PSMD13: variants seen among roughly 807,000 people sequenced by gnomAD.
PSMD13 encodes proteasome 26S subunit, non-ATPase 13.
Under a neutral mutation model 57.4 loss-of-function variants are expected in PSMD13, and 8 were observed. The ratio of observed to expected loss-of-function variants is 0.14; its 90% CI spans 0.08 to 0.25. PSMD13 has a LOEUF of 0.25. Ranked by LOEUF, PSMD13 falls within the 10% of genes least tolerant of loss-of-function variation. PSMD13 has a pLI of 1.00. For synonymous variants in PSMD13, 193 were observed against 168.2 expected (o/e 1.15, Z -1.14); for missense variants, 400 against 461.5 (o/e 0.87, Z 1.22).
chr11:249,488 A>C (rs1346526072), intron 9 of PSMD13, among the ~76,000 whole-genome samples: 1 of 151,122 alleles, frequency 6.6e-6, no homozygotes, highest in Non-Finnish European at 1.5e-5. Flanking sequence ...GGGAGAGAGC[A>C]TGGGATGAAG....
At position 252,352 on chromosome 11, in the gene PSMD13, G is replaced by A. The variant is rs12573931; in HGVS notation, c.1036-153G>A. The A allele has an allele frequency of 1.1e-4, 72 of 681,060 alleles. No homozygotes were observed. In the East Asian group the frequency reaches 1.6e-3, roughly 15 times the overall value. 42.2% of individuals were successfully genotyped at this position (681,060 alleles called of 1,614,324 possible). A position where few individuals can be genotyped will look rare whatever the true frequency, so the allele number is the denominator to read the frequency against. On this transcript the variant is annotated intron_variant, in intron 12 of 12. Coordinates refer to ENST00000532097, the MANE Select transcript of PSMD13 (RefSeq NM_002817.4). This position sits in a 1 kb window ranked among gnomAD's most constrained non-coding sequence, Gnocchi z 4.1. The stretch of plus-strand genomic sequence containing the variant: ...GAAAAGAATTAACCCGGCAAGTCCC[G>A]TCCCACTCCCCCAGCTCAGAGGTCC...
intron 9 of PSMD13, among the ~76,000 whole-genome samples, chr11:249,474 G>T (rs911409011): frequency 6.6e-6 from 1 of 151,910 alleles, no homozygotes; most frequent in Non-Finnish European, 1.5e-5. Context: ...TAACATGAGT[G>T]GGTGGGAGAG....
Position 252,084 on chromosome 11 carries a change from T to C in PSMD13, c.1035+148T>C. On this transcript the variant is annotated intron_variant, in intron 12 of 12. Coordinates refer to ENST00000532097, the MANE Select transcript of PSMD13 (RefSeq NM_002817.4). The surrounding 1 kb of genome is among the most constrained non-coding windows in gnomAD (Gnocchi z 4.1). Reference sequence around the variant, plus strand: ...AGAAGGAAATACTGCTGTTGGGTTTTTCTAAGAGCCTAATTTAATGCAAGC... The same window carrying C: ...AGAAGGAAATACTGCTGTTGGGTTTCTCTAAGAGCCTAATTTAATGCAAGC... The C allele has an allele frequency of 1.4e-6, 1 of 736,470 alleles. No individual in the cohort carries two copies. The highest frequency in any genetic ancestry group is 2.3e-6 in the Non-Finnish European group (1 of 436,352). 45.6% of individuals were successfully genotyped at this position (736,470 alleles called of 1,614,324 possible).
At position 252,787 on chromosome 11, in the gene PSMD13, C is replaced by T. The variant is rs1439949292; in HGVS notation, c.*187C>T. Reference sequence around the variant, plus strand: ...TGGGAGCCAGGCCACAGGGAGGAGGCTTCTTTGTGGGTCTCTCCTGCAGAG... The same window carrying T: ...TGGGAGCCAGGCCACAGGGAGGAGGTTTCTTTGTGGGTCTCTCCTGCAGAG... On this transcript the variant is annotated 3_prime_UTR_variant, in exon 13 of 13. Transcript: ENST00000532097. This position sits in a 1 kb window ranked among gnomAD's most constrained non-coding sequence, Gnocchi z 4.1. The T allele has an allele frequency of 3.5e-6, 2 of 574,144 alleles. No homozygotes were observed. Among genetic ancestry groups the T allele is most frequent in the Admixed American group, 6.1e-5 (2 of 32,968 alleles). The allele number at this position is 574,144 out of a possible 1,614,324, so 35.6% of individuals were successfully genotyped here. A position where few individuals can be genotyped will look rare whatever the true frequency, so the allele number is the denominator to read the frequency against.
intron 1 of PSMD13, among the ~76,000 whole-genome samples, chr11:238,224 T>C (rs184525802): frequency 2.0e-3 from 300 of 152,332 alleles, no homozygotes; most frequent in African/African-American, 6.9e-3. Flanking sequence ...TTCCCTGAGA[T>C]ACTCAGCTAA....
In PSMD13 at chr11:251,973, T is replaced by C; in HGVS notation, c.1035+37T>C. 1.9e-6 allele frequency: 3 copies of C among 1,569,794 alleles called. No individual in the cohort carries two copies. Among genetic ancestry groups the C allele is most frequent in the Non-Finnish European group, 2.6e-6 (3 of 1,142,334 alleles). Reference sequence around the variant, plus strand: ...GAAACCCATTATTCACCTCTGTGGATTTTGAGGGGTTGTGTCTATACCGTC... The same window carrying C: ...GAAACCCATTATTCACCTCTGTGGACTTTGAGGGGTTGTGTCTATACCGTC... On this transcript the variant is annotated intron_variant, in intron 12 of 12. Coordinates refer to ENST00000532097, the MANE Select transcript of PSMD13 (RefSeq NM_002817.4). This position sits in a 1 kb window ranked among gnomAD's most constrained non-coding sequence, Gnocchi z 4.6.
rs775854001 is a variant in PSMD13, at chr11:244,195, C to A, written c.244C>A (p.His82Asn). 6.2e-7 allele frequency: 1 copy of A among 1,611,156 alleles called. No homozygotes were observed. The highest frequency in any genetic ancestry group is 8.5e-7 in the Non-Finnish European group (1 of 1,177,962). The change falls in exon 4 of 13, where the codon CAT (histidine) becomes AAT (asparagine). Residue 82 changes from histidine (H) to asparagine (N), a missense_variant. By Grantham distance (68) the His-to-Asn change is moderately conservative. Transcript: ENST00000532097. ...NPLSLVEIIL[H>N]VVRQMTDPNV... ...TTTGTCCCTCGTGGAAATCATTCTT[C>A]ATGTAGTTAGACAGATGACTGGTAA...
At chr11:237,439 A>G (rs1028718622) in intron 1 of PSMD13, among the ~76,000 whole-genome samples, 4 of 152,172 alleles carry the variant, frequency 2.6e-5, no homozygotes, top group Non-Finnish European at 5.9e-5. Context: ...CTGAACTCCT[A>G]CCTCGGGTCT....
intron 2 of PSMD13, among the ~76,000 whole-genome samples, 185 bp from the exon 3 acceptor site, chr11:243,856 A>T (rs1157411033): frequency 6.6e-6 from 1 of 152,266 alleles, no homozygotes; most frequent in Non-Finnish European, 1.5e-5. Flanking sequence ...AATGTAAGTA[A>T]GCCCTGATAT....
intron 9 of PSMD13, among the ~76,000 whole-genome samples, chr11:250,311 G>T (rs1291390674): frequency 1.3e-5 from 2 of 152,320 alleles, no homozygotes; most frequent in Non-Finnish European, 2.9e-5. Flanking sequence ...TCAGGACAAT[G>T]ATATTTTTCA....
In PSMD13 at chr11:245,705, T is replaced by TGTGTGTTC. The variant is rs1564822123; in HGVS notation, c.396+951_396+952insCGTGTGTT. 1.4e-3 allele frequency among the ~76,000 whole-genome samples: 54 copies of TGTGTGTTC among 39,314 alleles called. 2 individuals carry two copies. The highest frequency in any genetic ancestry group is 0.013 in the South Asian group (15 of 1,116). 25.8% of individuals were successfully genotyped at this position (39,314 alleles called of 152,430 possible). A position where few individuals can be genotyped will look rare whatever the true frequency, so the allele number is the denominator to read the frequency against. On this transcript the variant is annotated intron_variant, in intron 6 of 12. Coordinates refer to ENST00000532097, the MANE Select transcript of PSMD13 (RefSeq NM_002817.4). ...GTTTGCATGTGTGTTCGTGTGTTTGTGTGTGTTTGTGTGTGTGTGTTTGTG... is the reference window on the plus strand; with the variant it reads ...GTTTGCATGTGTGTTCGTGTGTTTGTGTGTGTTCGTGTGTTTGTGTGTGTGTGTTTGTG...
chr11:240,150 C>G (rs1383010054), intron 2 of PSMD13, among the ~76,000 whole-genome samples: 3 of 106,452 alleles, frequency 2.8e-5, no homozygotes, highest in South Asian at 3.4e-4. Context: ...GCTCTTGTTG[C>G]CCGGGCTGGA....
In PSMD13 at chr11:252,377, C is replaced by T. The variant is rs1859781459; in HGVS notation, c.1036-128C>T. On this transcript the variant is annotated intron_variant, in intron 12 of 12. Transcript: ENST00000532097. This position sits in a 1 kb window ranked among gnomAD's most constrained non-coding sequence, Gnocchi z 4.1. ...GTCCCACTCCCCCAGCTCAGAGGTCCTTTTTACTAGAGCTGCCCTAGAGAG... is the reference window on the plus strand; with the variant it reads ...GTCCCACTCCCCCAGCTCAGAGGTCTTTTTTACTAGAGCTGCCCTAGAGAG... 1.2e-6 allele frequency: 1 copy of T among 831,624 alleles called. No homozygotes were observed. The highest frequency in any genetic ancestry group is 2.0e-6 in the Non-Finnish European group (1 of 501,526). The allele number at this position is 831,624 out of a possible 1,614,324, so 51.5% of individuals were successfully genotyped here.
rs1238277500 is a variant in PSMD13, at chr11:252,476, C to T, written c.1036-29C>T. ...GGCCTGTGTCTCCTGCGTGTCTTAA[C>T]GTCCCTTGTGTCCGGATTTCCATTT... On this transcript the variant is annotated intron_variant, in intron 12 of 12. Coordinates refer to ENST00000532097, the MANE Select transcript of PSMD13 (RefSeq NM_002817.4). This position sits in a 1 kb window ranked among gnomAD's most constrained non-coding sequence, Gnocchi z 4.1. 4 of 1,608,626 alleles carry T rather than the reference C, an allele frequency of 2.5e-6. No homozygotes were observed. The highest frequency in any genetic ancestry group is 1.1e-5 in the South Asian group (1 of 90,956).
In PSMD13 at chr11:248,825, C is replaced by T. The variant is rs767882254; in HGVS notation, c.618C>T (p.Leu206=). 1.9e-6 allele frequency: 3 copies of T among 1,614,110 alleles called. No homozygotes were observed. Among genetic ancestry groups the T allele is most frequent in the Non-Finnish European group, 2.5e-6 (3 of 1,180,026 alleles). The part of the protein sequence containing the change: ...RAFTLGLAGL[L]GEGVFNFGEL... ...TCACGCTGGGGCTAGCAGGACTTCT[C>T]GGCGAGGGAGTTTTTAACTTTGGAG... Residue 206 remains leucine (L), a synonymous_variant, in exon 8 of 13, where the codon CTC becomes CTT. Coordinates refer to ENST00000532097, the MANE Select transcript of PSMD13 (RefSeq NM_002817.4).
intron 9 of PSMD13, among the ~76,000 whole-genome samples, chr11:249,365 A>G (rs1350293391): frequency 6.6e-6 from 1 of 151,880 alleles, no homozygotes; most frequent in African/African-American, 2.4e-5. Flanking sequence ...GGTCTGTGTG[A>G]CCTTAGGAAT....
chr11:237,767 G>A (rs184420777), intron 1 of PSMD13, among the ~76,000 whole-genome samples: 164 of 152,240 alleles, frequency 1.1e-3, no homozygotes, highest in Non-Finnish European at 2.0e-3. Context: ...TTAAAGTTTA[G>A]GTTTGTTTAG....
chr11:247,569 C>T lies in PSMD13; in HGVS notation c.568+121C>T, dbSNP rs371953165. The T allele has an allele frequency of 3.4e-4, 381 of 1,107,994 alleles. 3 individuals are homozygous for T. The highest frequency in any genetic ancestry group is 2.2e-3 in the South Asian group (137 of 61,498). The allele number at this position is 1,107,994 out of a possible 1,614,324, so 68.6% of individuals were successfully genotyped here. A position where few individuals can be genotyped will look rare whatever the true frequency, so the allele number is the denominator to read the frequency against. ...AGGTGGGGCTGGGCACGGTGGCTCACGCCTGTAATCCCAGCACTTTGGAAG... is the reference window on the plus strand; with the variant it reads ...AGGTGGGGCTGGGCACGGTGGCTCATGCCTGTAATCCCAGCACTTTGGAAG... On this transcript the variant is annotated intron_variant, in intron 7 of 12. Transcript: ENST00000532097.
intron 1 of PSMD13, 92 bp from the exon 2 acceptor site, chr11:238,906 A>G (rs1186262314): frequency 8.1e-7 from 1 of 1,231,006 alleles, no homozygotes; most frequent in African/African-American, 1.5e-5. Context: ...GAGATACCCA[A>G]CCTGTATTTG....
Sources: allele counts gnomAD v4.1 joint callset (sites outside exome capture counted in the v4.1 genomes callset), GRCh38; gene constraint gnomAD v4.1.1; non-coding constraint Gnocchi (gnomAD v3.1); transcripts MANE v1.5; gene names NCBI Gene and HGNC (gene_info 2026-07-23, HGNC 2026-07-21).